RBM41: variants seen among roughly 807,000 people sequenced by gnomAD.
The protein encoded by RBM41 is RNA-binding protein 41.
RBM41 carries 14 observed loss-of-function variants against 30.8 expected under a neutral mutation model. That is an observed-to-expected ratio of 0.45 (90% CI 0.30 to 0.71). The LOEUF (loss-of-function observed/expected upper bound fraction) is 0.71. RBM41 is among the 30% of genes least tolerant of loss of function. RBM41 has a pLI of 0.08. For missense variants in RBM41, 276 were observed against 326.3 expected (o/e 0.85, Z 1.19); for synonymous variants, 120 against 110.1 (o/e 1.09, Z -0.56).
intron 6 of RBM41, among the ~76,000 whole-genome samples, chrX:107,085,092 A>G (rs1346747415): frequency 9.0e-6 from 1 of 111,076 alleles, no homozygotes; most frequent in African/African-American, 3.3e-5. Context: ...GTGGATGTCT[A>G]AGGGTTTCTC....
At chrX:107,053,069 C>A in the RBM41 span, among the ~76,000 whole-genome samples, 1 of 111,639 alleles carries the variant, frequency 9.0e-6, no homozygotes, top group Non-Finnish European at 1.9e-5. Flanking sequence ...TCCATGTCAC[C>A]ATTTATTTCT....
chrX:107,088,335 G>C (rs1349306581), intron 6 of RBM41, 101 bp downstream of exon 6: 6 of 836,399 alleles, frequency 7.2e-6, no homozygotes, highest in Middle Eastern at 3.1e-4. Context: ...CCTATATCAT[G>C]ATTCTTTGGT....
intron 6 of RBM41, among the ~76,000 whole-genome samples, chrX:107,078,724 A>G (rs1394146583): frequency 1.8e-5 from 2 of 110,771 alleles, no homozygotes; most frequent in Non-Finnish European, 3.8e-5. Flanking sequence ...AATATCCCCA[A>G]TGTCAAAAAA....
rs1428480391 is a variant in RBM41 at position 107,064,420 on chromosome X, G to C, written c.*3107C>G. 1 of 74,857 alleles carries C rather than the reference G, an allele frequency of 1.3e-5. No homozygotes were observed. Among genetic ancestry groups the C allele is most frequent in the African/African-American group, 5.1e-5 (1 of 19,446 alleles). 6.2% of individuals were successfully genotyped at this position (74,857 alleles called of 1,213,427 possible). ...CTTTGACACATTTTTTTTTTTTTTTGGTAATGACAGGGTCTTGCTGTGTTG... is the reference window on the plus strand; with the variant it reads ...CTTTGACACATTTTTTTTTTTTTTTCGTAATGACAGGGTCTTGCTGTGTTG... On this transcript the variant is annotated 3_prime_UTR_variant, in exon 8 of 8. Coordinates refer to ENST00000685964, the MANE Select transcript of RBM41 (RefSeq NM_001324242.2).
chrX:107,103,376 A>T (rs181900349), intron 5 of RBM41, among the ~76,000 whole-genome samples: 196 of 111,052 alleles, frequency 1.8e-3, no homozygotes, highest in African/African-American at 6.1e-3. Flanking sequence ...ATGCTATGTG[A>T]TGACAGAGGC....
chrX:107,100,374 C>T (rs1429842434), intron 5 of RBM41, among the ~76,000 whole-genome samples: 1 of 110,083 alleles, frequency 9.1e-6, no homozygotes, highest in Admixed American at 9.7e-5. Flanking sequence ...CGTCTGTAAT[C>T]CCAGCTACTC....
In RBM41 at chrX:107,094,687, G is replaced by C. The variant is rs1351385604; in HGVS notation, c.596-5848C>G. 4.5e-5 allele frequency among the ~76,000 whole-genome samples: 5 copies of C among 111,371 alleles called. No individual in the cohort carries two copies. In the Admixed American group the frequency reaches 4.8e-4, roughly 11 times the overall value. ...AGGAAGATGATTCTGGATTATGCAG[G>C]TGGGACCAATGCAATCATAAGGGTC... is the stretch of plus-strand genomic sequence containing the variant. On this transcript the variant is annotated intron_variant, in intron 5 of 7. Coordinates refer to ENST00000685964, the MANE Select transcript of RBM41 (RefSeq NM_001324242.2).
rs960448716 is a variant in RBM41, at chrX:107,105,516, T to G, written c.595+7881A>C. Among the ~76,000 whole-genome samples, 15 of 109,424 alleles carry G rather than the reference T, an allele frequency of 1.4e-4. No individual in the cohort carries two copies. The East Asian group carries it at 1.7e-3, about 13-fold the overall frequency. On this transcript the variant is annotated intron_variant, in intron 5 of 7. Transcript: ENST00000685964. ...CTTTCTTCACAGAATTGGAAAAAAC[T>G]ACTTTAAAGTTCATATGGAACCAAA...
Position 107,066,660 on chromosome X carries a change from C to T in RBM41, c.*867G>A. 8 of 731,165 alleles carry T rather than the reference C, an allele frequency of 1.1e-5. No homozygotes were observed. The highest frequency in any genetic ancestry group is 1.1e-5 in the Non-Finnish European group (7 of 618,807). The allele number at this position is 731,165 out of a possible 1,213,427, so 60.3% of individuals were successfully genotyped here. On this transcript the variant is annotated 3_prime_UTR_variant, in exon 8 of 8. Transcript: ENST00000685964. ...TGTACAGGTCTGACTCCAGTTTGTA[C>T]TACTTCCTCTCTGTATATTGTTTTT...
chrX:107,076,180 G>A (rs906376421), intron 6 of RBM41, among the ~76,000 whole-genome samples: 6 of 109,246 alleles, frequency 5.5e-5, no homozygotes, highest in Admixed American at 9.9e-5. Context: ...AGCTGGGTGC[G>A]TTGGTGGGTG....
chrX:107,118,172 AG>A (rs1246916809), intron 1 of RBM41, among the ~76,000 whole-genome samples: 1 of 110,467 alleles, frequency 9.1e-6, no homozygotes, highest in Non-Finnish European at 1.9e-5. Context: ...AGGACAAGTA[AG>A]GGGAACTGAG....
chrX:107,090,101 C>T (rs979897620), intron 5 of RBM41, among the ~76,000 whole-genome samples: 1 of 111,833 alleles, frequency 8.9e-6, no homozygotes, highest in Non-Finnish European at 1.9e-5. Context: ...GGAGGCCGGG[C>T]GTGGTGGCTC....
At chrX:107,096,545 C>G in intron 5 of RBM41, among the ~76,000 whole-genome samples, 1 of 111,687 alleles carries the variant, frequency 9.0e-6, no homozygotes, top group Non-Finnish European at 1.9e-5. Flanking sequence ...AACTGGACAT[C>G]CATATACAAA....
Position 107,105,956 on chromosome X carries a change from G to A in RBM41, c.595+7441C>T, listed in dbSNP as rs751968637. Among the ~76,000 whole-genome samples the A allele has an allele frequency of 1.1e-3, 127 of 111,604 alleles. 1 individual carries two copies. The highest frequency in any genetic ancestry group is 3.8e-4 in the South Asian group (1 of 2,626). On this transcript the variant is annotated intron_variant, in intron 5 of 7. Transcript: ENST00000685964. Reference sequence around the variant, plus strand: ...GCAATACCATTCAGGATATAGGCACGGGCAAGGACTTCATGACTAAAACAC... The same window carrying A: ...GCAATACCATTCAGGATATAGGCACAGGCAAGGACTTCATGACTAAAACAC...
intron 5 of RBM41, among the ~76,000 whole-genome samples, chrX:107,102,050 C>T (rs1326914407): frequency 9.0e-6 from 1 of 110,878 alleles, no homozygotes; most frequent in African/African-American, 3.3e-5. Flanking sequence ...ATTACATACA[C>T]GTAATCATGA....
chrX:107,105,045 G>A (rs764241888), intron 5 of RBM41, among the ~76,000 whole-genome samples: 20 of 110,335 alleles, frequency 1.8e-4, no homozygotes, highest in Admixed American at 1.6e-3. Flanking sequence ...AAGAAATAAA[G>A]GGTATTCAAT....
At chrX:107,085,387 C>T (rs1921947070) in intron 6 of RBM41, among the ~76,000 whole-genome samples, 1 of 108,704 alleles carries the variant, frequency 9.2e-6, no homozygotes, top group African/African-American at 3.4e-5. Context: ...ATGCCTCAGC[C>T]TCCTGAGCAG....
At chrX:107,085,962 T>G (rs901749080) in intron 6 of RBM41, among the ~76,000 whole-genome samples, 1 of 112,032 alleles carries the variant, frequency 8.9e-6, no homozygotes, top group African/African-American at 3.2e-5. Context: ...CAGAAAGGAT[T>G]CATATGCAGA....
At chrX:107,094,697 T>A (rs1228053345) in intron 5 of RBM41, among the ~76,000 whole-genome samples, 1 of 111,224 alleles carries the variant, frequency 9.0e-6, no homozygotes, top group African/African-American at 3.3e-5. Flanking sequence ...GTGGGACCAA[T>A]GCAATCATAA....
Sources: gnomAD v4.1 joint callset for allele counts (sites outside exome capture counted in the v4.1 genomes callset) on GRCh38, gnomAD v4.1.1 for gene constraint, MANE v1.5 for transcripts, NCBI Gene and HGNC (gene_info 2026-07-23, HGNC 2026-07-21) for gene names.